Variants in CLNS1A observed in about 807,000 individuals in gnomAD.
CLNS1A encodes the protein methylosome subunit pICln.
CLNS1A carries 16 observed loss-of-function variants against 29.4 expected under a neutral mutation model. That is an observed-to-expected ratio of 0.54 (90% CI 0.37 to 0.83). CLNS1A has a LOEUF of 0.83. Among genes scored for constraint, CLNS1A ranks in the 40% least tolerant of loss-of-function variants. The pLI, the probability that CLNS1A is intolerant of heterozygous loss-of-function variation, is 0.00. For synonymous variants in CLNS1A, 96 were observed against 104.8 expected (o/e 0.92, Z 0.51); for missense variants, 235 against 287.4 (o/e 0.82, Z 1.32).
At chr11:77,616,989 C>G in intron 6 of CLNS1A, among the ~76,000 whole-genome samples, 1 of 152,210 alleles carries the variant, frequency 6.6e-6, no homozygotes, top group Middle Eastern at 3.2e-3. Flanking sequence ...TTCCATTATC[C>G]TGAAATTATT....
At position 77,637,266 on chromosome 11, in the gene CLNS1A, A is replaced by AAAAG. The variant is rs1197980560; in HGVS notation, c.125+320_125+323dup. Reference sequence around the variant, plus strand: ...GTTAAAAAAAAAAAAAAAAGAAAATAAAAGAAAGAAAGAAAGAAAAGAAGA... The same window carrying AAAAG: ...GTTAAAAAAAAAAAAAAAAGAAAATAAAAGAAAGAAAGAAAGAAAGAAAAGAAGA... On this transcript the variant is annotated intron_variant, in intron 1 of 6. Coordinates refer to ENST00000525428, the MANE Select transcript of CLNS1A (RefSeq NM_001293.3). Among the ~76,000 whole-genome samples the AAAAG allele has an allele frequency of 1.5e-4, 22 of 146,078 alleles. No individual in the cohort carries two copies. In the East Asian group the frequency reaches 2.2e-3, roughly 15 times the overall value.
intron 5 of CLNS1A, chr11:77,622,174 C>G (rs969975508): frequency 6.6e-5 from 28 of 425,610 alleles, no homozygotes; most frequent in African/African-American, 3.5e-4. Flanking sequence ...TATAATAGCC[C>G]TAGCAAACTA....
At chr11:77,629,958 A>G in intron 1 of CLNS1A, 59 bp from the exon 2 acceptor site, 2 of 1,500,758 alleles carry the variant, frequency 1.3e-6, no homozygotes, top group Non-Finnish European at 1.8e-6. Context: ...GTAAGACCAC[A>G]AAGTATATAA....
chr11:77,635,939 C>A (rs919680371), intron 1 of CLNS1A, among the ~76,000 whole-genome samples: 4 of 152,182 alleles, frequency 2.6e-5, no homozygotes, highest in African/African-American at 9.7e-5. Flanking sequence ...GTCGGCGTAT[C>A]CCTAGGGTTC....
intron 1 of CLNS1A, among the ~76,000 whole-genome samples, chr11:77,632,723 T>A (rs947705843): frequency 1.3e-5 from 2 of 152,232 alleles, no homozygotes; most frequent in African/African-American, 4.8e-5. Context: ...CAGATATTTT[T>A]AAATGGGAAA....
At chr11:77,625,131 A>T (rs1206912172) in intron 3 of CLNS1A, 61 bp from the exon 4 acceptor site, 1 of 1,193,700 alleles carries the variant, frequency 8.4e-7, no homozygotes, top group Admixed American at 2.0e-5. Flanking sequence ...CCATCAGTGC[A>T]AATAAATTTA....
chr11:77,625,630 G>A (rs1330817914), intron 3 of CLNS1A, 87 bp downstream of exon 3: 25 of 1,025,008 alleles, frequency 2.4e-5, no homozygotes, highest in Non-Finnish European at 3.5e-5. Context: ...AAAGGTGAGA[G>A]GTGTGTGTGT....
At chr11:77,627,405 C>T (rs1009338091) in intron 2 of CLNS1A, among the ~76,000 whole-genome samples, 1 of 150,500 alleles carries the variant, frequency 6.6e-6, no homozygotes, top group Admixed American at 6.6e-5. Context: ...CATCACTGCA[C>T]TCCAGCCTGG....
Position 77,622,565 on chromosome 11 carries a change from T to G in CLNS1A, c.581A>C (p.Gln194Pro). 1 of 1,613,754 alleles carries G rather than the reference T, an allele frequency of 6.2e-7. No individual in the cohort carries two copies. Among genetic ancestry groups the G allele is most frequent in the Non-Finnish European group, 8.5e-7 (1 of 1,179,876 alleles). Residue 194 changes from glutamine (Q) to proline (P), a missense_variant, in exon 5 of 7, where the codon CAG (glutamine) becomes CCG (proline). Transcript: ENST00000525428. ...TLERLEGMLS[Q>P]SVSSQYNMAG... ...CATATTATACTGGCTGCTCACAGACTGAGAAAGCATTCCTTCTAATCTCTC... is the reference window on the plus strand; with the variant it reads ...CATATTATACTGGCTGCTCACAGACGGAGAAAGCATTCCTTCTAATCTCTC...
chr11:77,622,281 AT>A (rs1958966013), intron 5 of CLNS1A, among the ~76,000 whole-genome samples: 1 of 152,176 alleles, frequency 6.6e-6, no homozygotes, highest in South Asian at 2.1e-4. Flanking sequence ...CATTAAAAAA[AT>A]TTTTTTGACT....
At chr11:77,636,224 T>G (rs185041368) in intron 1 of CLNS1A, among the ~76,000 whole-genome samples, 1 of 152,196 alleles carries the variant, frequency 6.6e-6, no homozygotes, top group Non-Finnish European at 1.5e-5. Context: ...GCCGCCACCA[T>G]GCCTGGCTAA....
intron 1 of CLNS1A, 40 bp from the exon 2 acceptor site, chr11:77,629,939 A>G: frequency 6.2e-7 from 1 of 1,602,484 alleles, no homozygotes; most frequent in Non-Finnish European, 8.5e-7. Context: ...TTAGAAAGTA[A>G]ATCCTCATGT....
At chr11:77,617,657 T>C (rs1958918649) in intron 6 of CLNS1A, among the ~76,000 whole-genome samples, 1 of 151,808 alleles carries the variant, frequency 6.6e-6, no homozygotes, top group Non-Finnish European at 1.5e-5. Flanking sequence ...CAGTGGCTCA[T>C]GCCTGTAATC....
intron 5 of CLNS1A, chr11:77,621,948 C>T (rs1958962567): frequency 2.2e-6 from 1 of 456,238 alleles, no homozygotes; most frequent in Non-Finnish European, 4.4e-6. Flanking sequence ...GGTCTCCAGT[C>T]TGCCGGCTTA....
intron 1 of CLNS1A, 136 bp downstream of exon 1, chr11:77,637,454 C>A (rs1959143859): frequency 1.1e-5 from 12 of 1,131,958 alleles, no homozygotes; most frequent in Non-Finnish European, 1.4e-5. Flanking sequence ...CTACAGGTAT[C>A]CCTGAGGCGT....
rs568595117 is a variant in CLNS1A at position 77,637,629 on chromosome 11, C to G, written c.86G>C (p.Gly29Ala). The G allele has an allele frequency of 1.3e-6, 2 of 1,593,462 alleles. No individual in the cohort carries two copies. Among genetic ancestry groups the G allele is most frequent in the East Asian group, 2.3e-5 (1 of 43,626 alleles). ...QQPDTEAVLN[G>A]KGLGTGTLYI... ...AAGGGTACCAGTGCCGAGGCCCTTCCCGTTCAGCACAGCCTCAGTGTCTGG... is the reference window on the plus strand; with the variant it reads ...AAGGGTACCAGTGCCGAGGCCCTTCGCGTTCAGCACAGCCTCAGTGTCTGG... The change falls in exon 1 of 7, where the codon GGG (glycine) becomes GCG (alanine). Residue 29 changes from glycine (G) to alanine (A), a missense_variant. Transcript: ENST00000525428.
intron 5 of CLNS1A, among the ~76,000 whole-genome samples, chr11:77,620,572 G>A (rs1305030830): frequency 6.6e-6 from 1 of 152,202 alleles, no homozygotes; most frequent in African/African-American, 2.4e-5. Flanking sequence ...GCCAAGGTGG[G>A]TGGATCACCT....
chr11:77,622,406 C>A (rs1958967969), intron 5 of CLNS1A, 94 bp downstream of exon 5: 3 of 867,542 alleles, frequency 3.5e-6, no homozygotes, highest in South Asian at 2.0e-5. Flanking sequence ...AGAGTCAATT[C>A]TTTCTCTTAG....
At chr11:77,618,914 A>G (rs903752928) in intron 6 of CLNS1A, among the ~76,000 whole-genome samples, 3 of 152,242 alleles carry the variant, frequency 2.0e-5, no homozygotes, top group African/African-American at 7.2e-5. Flanking sequence ...TGCTATTACT[A>G]TATGCTTTAG....
Sources: gnomAD v4.1 joint callset for allele counts (sites outside exome capture counted in the v4.1 genomes callset) on GRCh38, gnomAD v4.1.1 for gene constraint, MANE v1.5 for transcripts, NCBI Gene and HGNC (gene_info 2026-07-23, HGNC 2026-07-21) for gene names.